Variants in MYZAP observed in about 807,000 individuals in gnomAD.
MYZAP encodes the protein GRINL1A complex locus upstream.
MYZAP carries 66 observed loss-of-function variants against 69.4 expected under a neutral mutation model. The observed-to-expected ratio is 0.95, with a 90% CI of 0.78 to 1.17. The LOEUF (loss-of-function observed/expected upper bound fraction) is 1.17, where lower values mean the gene tolerates loss of function less well. MYZAP is among the 50% of genes most tolerant of loss of function. MYZAP has a pLI of 0.00. For missense variants in MYZAP, 611 were observed against 556.2 expected (o/e 1.10, Z -0.99); for synonymous variants, 256 against 205.9 (o/e 1.24, Z -2.09).
At position 57,629,707 on chromosome 15, in the gene MYZAP, C is replaced by G. The variant is rs770536891; in HGVS notation, c.531C>G (p.Thr177=). 6.2e-7 allele frequency: 1 copy of G among 1,606,532 alleles called. No homozygotes were observed. Among genetic ancestry groups the G allele is most frequent in the Non-Finnish European group, 8.5e-7 (1 of 1,178,038 alleles). ...TTTTATTTTCATCCTCACAGAAAAC[C>G]CTCGTGGATGTGACTTTGGAAAACA... is the stretch of plus-strand genomic sequence containing the variant. ...LASDSIGLQK[T]LVDVTLENSN... The change falls in exon 6 of 13, where the codon ACC becomes ACG. Residue 177 remains threonine (T), a synonymous_variant. Coordinates refer to ENST00000267853, the MANE Select transcript of MYZAP (RefSeq NM_001018100.5).
At chr15:57,671,749 T>C (rs2038878878) in intron 11 of MYZAP, among the ~76,000 whole-genome samples, 1 of 152,190 alleles carries the variant, frequency 6.6e-6, no homozygotes, top group East Asian at 1.9e-4. Context: ...TTGTATTTTC[T>C]ATTTTTTTTA....
intron 4 of MYZAP, 36 bp downstream of exon 4, chr15:57,621,736 G>C (rs956037395): frequency 2.5e-6 from 4 of 1,607,448 alleles, no homozygotes; most frequent in Non-Finnish European, 3.4e-6. Flanking sequence ...AGATAGGGAG[G>C]CATGGCAGGC....
At chr15:57,595,793 G>A (rs2034019180) in intron 1 of MYZAP, among the ~76,000 whole-genome samples, 1 of 152,248 alleles carries the variant, frequency 6.6e-6, no homozygotes, top group Non-Finnish European at 1.5e-5. Context: ...TCACAGGATA[G>A]GACTATCTCC....
chr15:57,593,895 G>A lies in MYZAP; in HGVS notation c.75+1786G>A, dbSNP rs2033884937. 1.3e-5 allele frequency among the ~76,000 whole-genome samples: 2 copies of A among 152,158 alleles called. 1 individual carries two copies. The highest frequency in any genetic ancestry group is 4.1e-4 in the South Asian group (2 of 4,828). ...GTGCTGGGGATTGTGTGTGTGGTGG[G>A]AAGCTGTGAGATGTTGATTAATTGA... is the stretch of plus-strand genomic sequence containing the variant. On this transcript the variant is annotated intron_variant, in intron 1 of 12. Transcript: ENST00000267853.
At chr15:57,626,335 T>C (rs1397098665) in intron 5 of MYZAP, among the ~76,000 whole-genome samples, 2 of 152,224 alleles carry the variant, frequency 1.3e-5, no homozygotes, top group African/African-American at 4.8e-5. Context: ...TTTTTTATAA[T>C]TAGAAATTAT....
At chr15:57,674,930 T>C (rs371337602) in intron 11 of MYZAP, 38 bp from the exon 12 acceptor site, 11 of 1,564,648 alleles carry the variant, frequency 7.0e-6, no homozygotes, top group Admixed American at 1.8e-5. Context: ...GGGGAACATA[T>C]TTGACTTACT....
At chr15:57,660,584 G>C (rs1208399041) in intron 10 of MYZAP, among the ~76,000 whole-genome samples, 4 of 152,168 alleles carry the variant, frequency 2.6e-5, no homozygotes, top group Admixed American at 2.6e-4. Flanking sequence ...CAAAGTGCTG[G>C]GATCATAGGA....
intron 1 of MYZAP, 29 bp from the exon 2 acceptor site, chr15:57,604,240 A>T: frequency 6.2e-7 from 1 of 1,612,518 alleles, no homozygotes; most frequent in Non-Finnish European, 8.5e-7. Context: ...GCTGACTCCT[A>T]ACTGGCCTCT....
At chr15:57,636,132 GT>G (rs2036804441) in intron 8 of MYZAP, among the ~76,000 whole-genome samples, 1 of 151,068 alleles carries the variant, frequency 6.6e-6, no homozygotes, top group Admixed American at 6.6e-5. Flanking sequence ...TTTCTTTCTT[GT>G]TTTTTGTTTT....
intron 2 of MYZAP, among the ~76,000 whole-genome samples, chr15:57,617,209 A>G (rs1252649229): frequency 2.0e-5 from 3 of 152,156 alleles, no homozygotes; most frequent in Non-Finnish European, 4.4e-5. Context: ...TCAGCTATGA[A>G]GTGGAAAGGA....
rs541009307 is a variant in MYZAP at position 57,631,197 on chromosome 15, G to A, written c.679-1237G>A. On this transcript the variant is annotated intron_variant, in intron 6 of 12. Coordinates refer to ENST00000267853, the MANE Select transcript of MYZAP (RefSeq NM_001018100.5). ...TTTAAGTAATTTTTTTCAGCTTAGG[G>A]GATTTATTCAATCATTCAGTCCACA... 2.0e-5 allele frequency among the ~76,000 whole-genome samples: 3 copies of A among 152,220 alleles called. No homozygotes were observed. In the South Asian group the frequency reaches 6.2e-4, roughly 32 times the overall value.
chr15:57,656,918 A>T (rs2038037999), intron 10 of MYZAP, among the ~76,000 whole-genome samples: 1 of 151,864 alleles, frequency 6.6e-6, no homozygotes, highest in Non-Finnish European at 1.5e-5. Flanking sequence ...CTCAAATCCT[A>T]CTCCTGTCCA....
At chr15:57,654,034 T>TAAAAAAA (rs1595914427) in intron 10 of MYZAP, among the ~76,000 whole-genome samples, 2 of 7,256 alleles carry the variant, frequency 2.8e-4, no homozygotes, top group East Asian at 0.013. Flanking sequence ...AAAAAAAAAG[T>TAAAAAAA]CCCTATTTAG....
Position 57,637,778 on chromosome 15 carries a change from A to G in MYZAP, c.1013+4A>G. 2.5e-6 allele frequency: 4 copies of G among 1,606,948 alleles called. No individual in the cohort carries two copies. The highest frequency in any genetic ancestry group is 2.6e-6 in the Non-Finnish European group (3 of 1,175,936). ...TAACTGATTCTGACAAGGAAAGGTA[A>G]GACGTAATGCCTTTCGTCTTGTAAT... On this transcript the variant is annotated splice_donor_region_variant and intron_variant, in intron 9 of 12. Coordinates refer to ENST00000267853, the MANE Select transcript of MYZAP (RefSeq NM_001018100.5).
intron 7 of MYZAP, among the ~76,000 whole-genome samples, chr15:57,632,814 A>G (rs572848056): frequency 6.6e-6 from 1 of 152,050 alleles, no homozygotes; most frequent in Non-Finnish European, 1.5e-5. Flanking sequence ...CTCATCTGAC[A>G]ATTTGCCAGC....
At chr15:57,646,644 C>G in intron 10 of MYZAP, 1 of 992,246 alleles carries the variant, frequency 1.0e-6, no homozygotes. Flanking sequence ...ACCAGATCAC[C>G]CCCAAGAAAG....
chr15:57,593,440 T>C (rs1272683675), intron 1 of MYZAP, among the ~76,000 whole-genome samples: 1 of 152,138 alleles, frequency 6.6e-6, no homozygotes, highest in Non-Finnish European at 1.5e-5. Context: ...CCCTGAGCCC[T>C]GAGAGGATCA....
At chr15:57,608,830 C>T (rs1231799681) in intron 2 of MYZAP, among the ~76,000 whole-genome samples, 1 of 152,212 alleles carries the variant, frequency 6.6e-6, no homozygotes, top group Non-Finnish European at 1.5e-5. Context: ...AAACACATAG[C>T]ATCTCTTCCT....
chr15:57,633,904 C>T (rs1037483603), intron 8 of MYZAP, among the ~76,000 whole-genome samples, 163 bp downstream of exon 8: 17 of 151,996 alleles, frequency 1.1e-4, no homozygotes, highest in Middle Eastern at 3.4e-3. Flanking sequence ...AGTCCAACAA[C>T]GTTCTCATTT....
Sources: allele counts gnomAD v4.1 joint callset (sites outside exome capture counted in the v4.1 genomes callset), GRCh38; gene constraint gnomAD v4.1.1; transcripts MANE v1.5; gene names NCBI Gene and HGNC (gene_info 2026-07-23, HGNC 2026-07-21).